The following CYFIP1 variants were observed in gnomAD, a reference collection of about 807,000 sequenced individuals.
CYFIP1 encodes cytoplasmic FMR1-interacting protein 1.
Under a neutral mutation model 163.5 loss-of-function variants are expected in CYFIP1, and 58 were observed. The observed-to-expected ratio is 0.35, with a 90% CI of 0.29 to 0.44. The LOEUF is 0.44. CYFIP1 is among the 20% of genes least tolerant of loss of function. The probability of loss-of-function intolerance (pLI) is 1.00; values close to 1 mark genes in which losing one functional copy is unlikely to be tolerated. For missense variants in CYFIP1, 1,338 were observed against 1,653.8 expected (o/e 0.81, Z 3.31); for synonymous variants, 663 against 660.7 (o/e 1.00, Z -0.05).
rs763677332 is a variant in CYFIP1, at chr15:22,903,922, A to G, written c.2389-17T>C. 8 of 1,612,342 alleles carry G rather than the reference A, an allele frequency of 5.0e-6. No individual in the cohort carries two copies. Among genetic ancestry groups the G allele is most frequent in the Non-Finnish European group, 6.8e-6 (8 of 1,179,164 alleles). ...ATCCAGCTCCTGTGGCACCAAAGAC[A>G]GGGGTGGGTGACAGAGCTGGTCCAG... On this transcript the variant is annotated splice_polypyrimidine_tract_variant and intron_variant, in intron 21 of 30. Coordinates refer to ENST00000617928, the MANE Select transcript of CYFIP1 (RefSeq NM_014608.6).
At chr15:22,938,693 A>G (rs1275937672) in intron 8 of CYFIP1, among the ~76,000 whole-genome samples, 1 of 152,094 alleles carries the variant, frequency 6.6e-6, no homozygotes, top group Non-Finnish European at 1.5e-5. Flanking sequence ...CCTTGAGCCC[A>G]GGAGTTTGAG....
chr15:22,898,203 A>G (rs1000966549), intron 22 of CYFIP1, among the ~76,000 whole-genome samples: 6 of 152,178 alleles, frequency 3.9e-5, no homozygotes, highest in African/African-American at 1.4e-4. Flanking sequence ...TCACTTAAGG[A>G]GTAAGAATAA....
chr15:22,917,197 T>G lies in CYFIP1; in HGVS notation c.1675-567A>C. ...TGACCCTCCTGCAGAGCCAGCAGCG[T>G]GCATTGCTGGTGACTTTCCAGAAGA... On this transcript the variant is annotated intron_variant, in intron 15 of 30. Coordinates refer to ENST00000617928, the MANE Select transcript of CYFIP1 (RefSeq NM_014608.6). This position sits in a 1 kb window ranked among gnomAD's most constrained non-coding sequence, Gnocchi z 4.2. 4 of 1,422,324 alleles carry G rather than the reference T, an allele frequency of 2.8e-6. No individual in the cohort carries two copies. The highest frequency in any genetic ancestry group is 3.7e-6 in the Non-Finnish European group (4 of 1,095,134). The allele number at this position is 1,422,324 out of a possible 1,614,324, so 88.1% of individuals were successfully genotyped here.
At position 22,946,992 on chromosome 15, in the gene CYFIP1, C is replaced by T. The variant is rs113757728; in HGVS notation, c.207+11G>A. ...TCTGCAGAGAGAAACAAAGACACAC[C>T]GCAACATTACCATGCTAGAGTGGAC... is the stretch of plus-strand genomic sequence containing the variant. On this transcript the variant is annotated intron_variant, in intron 3 of 30. Transcript: ENST00000617928. 224 of 1,611,006 alleles carry T rather than the reference C, an allele frequency of 1.4e-4. No homozygotes were observed. In the African/African-American group the frequency reaches 2.5e-3, roughly 18 times the overall value.
At chr15:22,876,490 A>C (rs564977053) in intron 26 of CYFIP1, among the ~76,000 whole-genome samples, 150 of 152,130 alleles carry the variant, frequency 9.9e-4, no homozygotes, top group African/African-American at 3.5e-3. Context: ...ATAATTATTT[A>C]TGTCCATGAG....
At chr15:22,880,163 C>A in intron 25 of CYFIP1, 120 bp from the exon 26 acceptor site, 1 of 1,351,884 alleles carries the variant, frequency 7.4e-7, no homozygotes. Flanking sequence ...GCTATAAGGA[C>A]AGCCACAACG....
In CYFIP1 at chr15:22,896,352, T is replaced by C. The variant is rs182981590; in HGVS notation, c.2589-3375A>G. Among the ~76,000 whole-genome samples, 4 of 152,194 alleles carry C rather than the reference T, an allele frequency of 2.6e-5. No individual in the cohort carries two copies. The East Asian group carries it at 7.7e-4, about 29-fold the overall frequency. ...TCCTGCTTGAGGTTTATTGAGCTTC[T>C]TGTATCTGTGGGTTTATCGTTTTCA... On this transcript the variant is annotated intron_variant, in intron 22 of 30. Transcript: ENST00000617928.
intron 17 of CYFIP1, 46 bp from the exon 18 acceptor site, chr15:22,912,321 T>C: frequency 6.8e-7 from 1 of 1,461,688 alleles, no homozygotes; most frequent in Non-Finnish European, 9.4e-7. Context: ...TGCCACTCAC[T>C]CGCAGCTCCG....
chr15:22,867,217 C>A lies in CYFIP1; in HGVS notation c.*2811G>T. 1 of 407,374 alleles carries A rather than the reference C, an allele frequency of 2.5e-6. No homozygotes were observed. Among genetic ancestry groups the A allele is most frequent in the Non-Finnish European group, 4.3e-6 (1 of 231,644 alleles). The allele number at this position is 407,374 out of a possible 1,614,324, so 25.2% of individuals were successfully genotyped here. A position where few individuals can be genotyped will look rare whatever the true frequency, so the allele number is the denominator to read the frequency against. On this transcript the variant is annotated 3_prime_UTR_variant, in exon 31 of 31. Transcript: ENST00000617928. ...TCATCCCCACTCCATCAATCCCTGA[C>A]CATGTAAGGCTTTTTTATTTTAAAA...
At chr15:22,963,121 G>A (rs8036678) in intron 1 of CYFIP1, among the ~76,000 whole-genome samples, 2,975 of 152,256 alleles carry the variant, frequency 0.02, 74 homozygotes, top group African/African-American at 0.059. Flanking sequence ...TAGAGGTAAA[G>A]GGCCTCAAGT....
chr15:22,892,139 G>T (rs1157705744), intron 23 of CYFIP1, among the ~76,000 whole-genome samples: 1 of 152,246 alleles, frequency 6.6e-6, no homozygotes, highest in Non-Finnish European at 1.5e-5. Flanking sequence ...GCTGGCTCTT[G>T]CCGCCATCAT....
chr15:22,969,261 T>C (rs2063008739), intron 1 of CYFIP1, among the ~76,000 whole-genome samples: 1 of 152,144 alleles, frequency 6.6e-6, no homozygotes, highest in Non-Finnish European at 1.5e-5. Flanking sequence ...GGAGCCACAG[T>C]TCAACAGACA....
intron 1 of CYFIP1, among the ~76,000 whole-genome samples, chr15:22,976,279 T>C (rs1200236603): frequency 6.6e-6 from 1 of 152,098 alleles, no homozygotes; most frequent in African/African-American, 2.4e-5. Flanking sequence ...TGCTTCAGCC[T>C]CCTGAGTAGC....
In CYFIP1 at chr15:22,893,025, A is replaced by G. The variant is rs749147023; in HGVS notation, c.2589-48T>C. 5.6e-6 allele frequency: 8 copies of G among 1,416,332 alleles called. No homozygotes were observed. The African/African-American group carries it at 1.1e-4, about 20-fold the overall frequency. 87.7% of individuals were successfully genotyped at this position (1,416,332 alleles called of 1,614,324 possible). ...AGAAAAAGAAACCAAATTTAACAAT[A>G]GTTCTTTAAAATTCAGAAGTCCTCC... is the stretch of plus-strand genomic sequence containing the variant. On this transcript the variant is annotated intron_variant, in intron 22 of 30. Transcript: ENST00000617928.
chr15:22,976,363 G>A lies in CYFIP1; in HGVS notation c.-7+3924C>T, dbSNP rs148665303. On this transcript the variant is annotated intron_variant, in intron 1 of 30. Coordinates refer to ENST00000617928, the MANE Select transcript of CYFIP1 (RefSeq NM_014608.6). ...AGTAGAGACAGGGTTTCACTATGTT[G>A]GCCAGGCTGGTCTCGAACTCCTGCC... Among the ~76,000 whole-genome samples the A allele has an allele frequency of 8.2e-3, 1,242 of 152,190 alleles. 64 individuals carry two copies. Among genetic ancestry groups the A allele is most frequent in the Admixed American group, 0.076 (1,169 of 15,288 alleles).
At chr15:22,941,749 G>GC (rs1180358038) in intron 6 of CYFIP1, among the ~76,000 whole-genome samples, 1 of 152,050 alleles carries the variant, frequency 6.6e-6, no homozygotes, top group African/African-American at 2.4e-5. Flanking sequence ...GCACACAGCA[G>GC]CCCCATCTGT....
chr15:22,975,088 T>G (rs1287864740), intron 1 of CYFIP1, among the ~76,000 whole-genome samples: 2 of 152,166 alleles, frequency 1.3e-5, no homozygotes, highest in Non-Finnish European at 2.9e-5. Flanking sequence ...CTTAACAACA[T>G]TTTCTTTTCT....
chr15:22,915,686 T>C (rs2060951431), intron 16 of CYFIP1, among the ~76,000 whole-genome samples: 1 of 152,116 alleles, frequency 6.6e-6, no homozygotes, highest in Non-Finnish European at 1.5e-5. Context: ...GAGGCGGAGC[T>C]TGCAGTGAGC....
At chr15:22,877,594 G>T (rs1376875135) in intron 26 of CYFIP1, among the ~76,000 whole-genome samples, 1 of 119,692 alleles carries the variant, frequency 8.4e-6, no homozygotes, top group Non-Finnish European at 1.8e-5. Context: ...ATTATTTGGG[G>T]AACATGTCCT....
Sources: allele counts gnomAD v4.1 joint callset (sites outside exome capture counted in the v4.1 genomes callset), GRCh38; gene constraint gnomAD v4.1.1; non-coding constraint Gnocchi (gnomAD v3.1); transcripts MANE v1.5; gene names NCBI Gene and HGNC (gene_info 2026-07-23, HGNC 2026-07-21).